Variants in SGK3 observed in about 807,000 individuals in gnomAD.
SGK3 encodes serum/glucocorticoid regulated kinase family member 3, also known as serine/threonine-protein kinase Sgk3.
A neutral mutation model predicts 68.5 loss-of-function variants in SGK3; 47 were observed. The ratio of observed to expected loss-of-function variants is 0.69; its 90% confidence interval spans 0.54 to 0.87. The LOEUF is 0.87. SGK3 is among the 40% of genes least tolerant of loss of function. SGK3 has a pLI of 0.00. For missense variants in SGK3, 479 were observed against 575.5 expected (o/e 0.83, Z 1.72); for synonymous variants, 181 against 189.1 (o/e 0.96, Z 0.35).
chr8:66,808,075 T>G (rs1451951093), intron 4 of SGK3, among the ~76,000 whole-genome samples: 3 of 152,018 alleles, frequency 2.0e-5, no homozygotes, highest in Non-Finnish European at 4.4e-5. Context: ...AATGGAAGAA[T>G]AAATAAAAAA....
In SGK3 at chr8:66,848,126, C is replaced by A. The variant is rs1200051987; in HGVS notation, c.1230+778C>A. Among the ~76,000 whole-genome samples the A allele has an allele frequency of 2.0e-5, 3 of 152,172 alleles. No homozygotes were observed. The East Asian group carries it at 5.8e-4, about 29-fold the overall frequency. The stretch of plus-strand genomic sequence containing the variant: ...CTGCTACTGCTTTACCCCTGCTCCC[C>A]AGTTCAGCTGGTAGCTCTGCCAACA... On this transcript the variant is annotated intron_variant, in intron 15 of 16. Coordinates refer to ENST00000521198, the MANE Select transcript of SGK3 (RefSeq NM_001033578.3).
At chr8:66,797,196 A>G (rs17331692) in intron 2 of SGK3, among the ~76,000 whole-genome samples, 2,892 of 152,310 alleles carry the variant, frequency 0.019, 36 homozygotes, top group Non-Finnish European at 0.03. Flanking sequence ...TCTAAGATCC[A>G]TTCTTCTCAC....
chr8:66,850,927 A>G lies in SGK3; in HGVS notation c.1320+7A>G, dbSNP rs371859135. 4.4e-5 allele frequency: 70 copies of G among 1,601,692 alleles called. No individual in the cohort carries two copies. The African/African-American group carries it at 7.1e-4, about 16-fold the overall frequency. Reference sequence around the variant, plus strand: ...ACCATTTAATCCTAATGTGGTAAGTATATATCCAAATCTTTCTTTCTAGAA... The same window carrying G: ...ACCATTTAATCCTAATGTGGTAAGTGTATATCCAAATCTTTCTTTCTAGAA... On this transcript the variant is annotated splice_region_variant and intron_variant, in intron 16 of 16. Coordinates refer to ENST00000521198, the MANE Select transcript of SGK3 (RefSeq NM_001033578.3).
At chr8:66,782,117 C>T (rs1281222340) in intron 1 of SGK3, among the ~76,000 whole-genome samples, 1 of 152,162 alleles carries the variant, frequency 6.6e-6, no homozygotes, top group Non-Finnish European at 1.5e-5. Context: ...TAAACAGATA[C>T]AGATTATATA....
chr8:66,776,236 A>G (rs1246652509), intron 1 of SGK3, among the ~76,000 whole-genome samples: 1 of 152,178 alleles, frequency 6.6e-6, no homozygotes, highest in Non-Finnish European at 1.5e-5. Flanking sequence ...CTTGTTCCAA[A>G]TCCCATCCAC....
chr8:66,775,258 G>C (rs1806654181), intron 1 of SGK3: 1 of 152,484 alleles, frequency 6.6e-6, no homozygotes, highest in Non-Finnish European at 1.5e-5. Flanking sequence ...GGTCCCGGCC[G>C]AGTGTGGCGC....
chr8:66,753,251 C>T (rs1174277725), intron 1 of SGK3, among the ~76,000 whole-genome samples: 3 of 152,108 alleles, frequency 2.0e-5, no homozygotes, highest in Admixed American at 2.0e-4. Context: ...TACACAGTTC[C>T]TAAGAGGTGG....
intron 1 of SGK3, among the ~76,000 whole-genome samples, chr8:66,724,546 A>G (rs1804923065): frequency 6.6e-6 from 1 of 152,212 alleles, no homozygotes; most frequent in Non-Finnish European, 1.5e-5. Flanking sequence ...ACTGCATTCC[A>G]GCCTGGGTGA....
At chr8:66,742,512 G>A (rs556453211) in intron 1 of SGK3, among the ~76,000 whole-genome samples, 15 of 152,088 alleles carry the variant, frequency 9.9e-5, no homozygotes, top group African/African-American at 3.4e-4. Context: ...GACTACAGAT[G>A]TATGCCACCA....
intron 1 of SGK3, among the ~76,000 whole-genome samples, chr8:66,729,793 G>GTGTGAGTACA (rs1805094138): frequency 1.3e-5 from 2 of 151,684 alleles, no homozygotes; most frequent in Non-Finnish European, 2.9e-5. Context: ...CACCCAGGCT[G>GTGTGAGTACA]GAGTACAGTG....
chr8:66,767,559 A>G, intron 1 of SGK3: 1 of 1,474,664 alleles, frequency 6.8e-7, no homozygotes, highest in African/African-American at 1.4e-5. Context: ...TCTCCTCATC[A>G]AGTATCATGA....
chr8:66,752,912 G>C (rs1442434865), intron 1 of SGK3, among the ~76,000 whole-genome samples: 2 of 152,144 alleles, frequency 1.3e-5, no homozygotes, highest in African/African-American at 4.8e-5. Flanking sequence ...ACAGTGGCAT[G>C]ATCATGGCTC....
At chr8:66,816,869 C>T (rs989450037) in intron 5 of SGK3, among the ~76,000 whole-genome samples, 10 of 151,004 alleles carry the variant, frequency 6.6e-5, no homozygotes, top group African/African-American at 2.2e-4. Flanking sequence ...CTCGCTCTAT[C>T]GCCTAGGCTG....
intron 3 of SGK3, among the ~76,000 whole-genome samples, chr8:66,800,379 C>CTTTTTTTTTTTTT (rs35415180): frequency 2.9e-5 from 3 of 102,384 alleles, no homozygotes; most frequent in African/African-American, 7.2e-5. Context: ...TTTTTCATTT[C>CTTTTTTTTTTTTT]TTTTTTTTTT....
At chr8:66,777,058 A>T (rs1203717159) in intron 1 of SGK3, among the ~76,000 whole-genome samples, 2 of 152,178 alleles carry the variant, frequency 1.3e-5, no homozygotes, top group Non-Finnish European at 2.9e-5. Flanking sequence ...AGGAAGTAGG[A>T]CTGGGTCCCA....
chr8:66,719,596 G>A (rs1804741743), intron 1 of SGK3, among the ~76,000 whole-genome samples: 1 of 152,150 alleles, frequency 6.6e-6, no homozygotes, highest in African/African-American at 2.4e-5. Context: ...TGGAATTGCA[G>A]ATGTCAGCCA....
intron 1 of SGK3, among the ~76,000 whole-genome samples, chr8:66,780,971 G>GTTTTGT: frequency 6.6e-6 from 1 of 152,204 alleles, no homozygotes; most frequent in South Asian, 2.1e-4. Context: ...TGTGGGTTTT[G>GTTTTGT]TTTTGTTTTG....
intron 6 of SGK3, among the ~76,000 whole-genome samples, chr8:66,823,128 A>G (rs1808913028): frequency 6.6e-6 from 1 of 152,196 alleles, no homozygotes; most frequent in Non-Finnish European, 1.5e-5. Context: ...AATTTTAATT[A>G]TGCAGTGTAT....
intron 1 of SGK3, among the ~76,000 whole-genome samples, chr8:66,780,552 T>A (rs1034866866): frequency 1.3e-5 from 2 of 152,114 alleles, no homozygotes. Flanking sequence ...TGTTAAGAGC[T>A]GATGAGAGTG....
Sources: gnomAD v4.1 joint callset for allele counts (sites outside exome capture counted in the v4.1 genomes callset) on GRCh38, gnomAD v4.1.1 for gene constraint, MANE v1.5 for transcripts, NCBI Gene and HGNC (gene_info 2026-07-23, HGNC 2026-07-21) for gene names.